Variants in SRGAP2B observed in about 807,000 individuals in gnomAD.
SRGAP2B encodes the protein SLIT-ROBO Rho GTPase activating protein 2B.
In SRGAP2B, 9 loss-of-function variants were observed where a neutral mutation model predicts 22.2. That is an observed-to-expected ratio of 0.41 (90% confidence interval 0.24 to 0.71). The LOEUF (loss-of-function observed/expected upper bound fraction) is 0.71, where lower values mean the gene tolerates loss of function less well. Among genes scored for constraint, SRGAP2B ranks in the 30% least tolerant of loss-of-function variants. The probability of loss-of-function intolerance (pLI) is 0.35; values close to 1 mark genes in which losing one functional copy is unlikely to be tolerated. For missense variants in SRGAP2B, 114 were observed against 235.8 expected (o/e 0.48, Z 3.38); for synonymous variants, 36 against 87.4 (o/e 0.41, Z 3.28).
Position 144,992,135 on chromosome 1 carries a change from A to G in SRGAP2B, c.260+2873T>C, listed in dbSNP as rs1324990428. 3.7e-3 allele frequency among the ~76,000 whole-genome samples: 555 copies of G among 150,044 alleles called. 7 individuals carry two copies. The highest frequency in any genetic ancestry group is 6.1e-3 in the Non-Finnish European group (413 of 67,834). ...GACGCGCTGCCTTAAGAGCTGTAACACTCACCGTGAAGGTCTGCAGCTTCA... is the reference window on the plus strand; with the variant it reads ...GACGCGCTGCCTTAAGAGCTGTAACGCTCACCGTGAAGGTCTGCAGCTTCA... On this transcript the variant is annotated intron_variant, in intron 3 of 9. Transcript: ENST00000612199.
intron 3 of SRGAP2B, among the ~76,000 whole-genome samples, chr1:144,964,757 T>A (rs1553611850): frequency 6.6e-6 from 1 of 150,536 alleles, no homozygotes; most frequent in Non-Finnish European, 1.5e-5. Flanking sequence ...TCACCTGTTT[T>A]AAAAAGTAAA....
At chr1:144,976,510 A>G (rs1668917338) in intron 3 of SRGAP2B, among the ~76,000 whole-genome samples, 1 of 141,720 alleles carries the variant, frequency 7.1e-6, no homozygotes, top group Non-Finnish European at 1.5e-5. Flanking sequence ...TCAGTTACAA[A>G]GAGCATATTT....
chr1:144,898,676 C>T lies in SRGAP2B; in HGVS notation c.832-1339G>A, dbSNP rs1314841555. Among the ~76,000 whole-genome samples the T allele has an allele frequency of 5.3e-5, 8 of 150,036 alleles. No homozygotes were observed. In the East Asian group the frequency reaches 9.7e-4, roughly 18 times the overall value. On this transcript the variant is annotated intron_variant, in intron 7 of 9. Transcript: ENST00000612199. ...CAGCCTTTTCCTCTCATCATGATCACACTGGAAGCAGCTACTATTGGGGAA... is the reference window on the plus strand; with the variant it reads ...CAGCCTTTTCCTCTCATCATGATCATACTGGAAGCAGCTACTATTGGGGAA...
intron 2 of SRGAP2B, among the ~76,000 whole-genome samples, chr1:144,999,067 G>A (rs587720874): frequency 1.3e-5 from 2 of 150,554 alleles, no homozygotes; most frequent in African/African-American, 2.5e-5. Flanking sequence ...GTGCTTAGGC[G>A]ATCATGCATG....
chr1:145,013,779 T>C (rs1571009797), intron 2 of SRGAP2B, among the ~76,000 whole-genome samples: 3 of 150,494 alleles, frequency 2.0e-5, no homozygotes, highest in African/African-American at 7.5e-5. Context: ...AACAACCTTA[T>C]TGTCTTCCCA....
In SRGAP2B at chr1:144,998,448, T is replaced by C. The variant is rs1374373385; in HGVS notation, c.68-3248A>G. Among the ~76,000 whole-genome samples, 13 of 133,902 alleles carry C rather than the reference T, an allele frequency of 9.7e-5. No individual in the cohort carries two copies. In the Admixed American group the frequency reaches 1.0e-3, roughly 10 times the overall value. The allele number at this position is 133,902 out of a possible 152,430, so 87.8% of individuals were successfully genotyped here. ...AGTAAGAAAGCAATATCCCCACCCCTGATCCAGGAAAAAAAAGAGGCTCTG... is the reference window on the plus strand; with the variant it reads ...AGTAAGAAAGCAATATCCCCACCCCCGATCCAGGAAAAAAAAGAGGCTCTG... On this transcript the variant is annotated intron_variant, in intron 2 of 9. Transcript: ENST00000612199.
chr1:145,006,262 T>A (rs1338174695), intron 2 of SRGAP2B, among the ~76,000 whole-genome samples: 1 of 150,780 alleles, frequency 6.6e-6, no homozygotes, highest in Non-Finnish European at 1.5e-5. Context: ...GAATGAAATA[T>A]TTTCCCTCCT....
intron 2 of SRGAP2B, among the ~76,000 whole-genome samples, chr1:145,007,205 C>G (rs1671662590): frequency 6.7e-6 from 1 of 150,248 alleles, no homozygotes; most frequent in South Asian, 2.1e-4. Context: ...CTCACTCAGA[C>G]AGTAACAGAT....
At chr1:144,969,850 C>T (rs1270389433) in intron 3 of SRGAP2B, among the ~76,000 whole-genome samples, 75 of 150,768 alleles carry the variant, frequency 5.0e-4, no homozygotes, top group South Asian at 1.9e-3. Flanking sequence ...TGAACAGACA[C>T]TTCTCAAAAG....
At chr1:144,912,195 G>T (rs1193475532) in intron 5 of SRGAP2B, among the ~76,000 whole-genome samples, 1 of 145,872 alleles carries the variant, frequency 6.9e-6, no homozygotes, top group Non-Finnish European at 1.5e-5. Context: ...CTCGTGATCT[G>T]CCTGCCTCAG....
chr1:144,888,890 G>A lies in SRGAP2B; in HGVS notation c.*3270C>T, dbSNP rs1370421269. The A allele has an allele frequency of 6.2e-5, 8 of 129,768 alleles. No individual in the cohort carries two copies. The East Asian group carries it at 6.6e-4, about 11-fold the overall frequency. 8.0% of individuals were successfully genotyped at this position (129,768 alleles called of 1,614,324 possible). A position where few individuals can be genotyped will look rare whatever the true frequency, so the allele number is the denominator to read the frequency against. ...CGACCTCAGGTGATCCGCCCGCCTCGGCCTCCCAAAGTGCTGGGATTACAG... is the reference window on the plus strand; with the variant it reads ...CGACCTCAGGTGATCCGCCCGCCTCAGCCTCCCAAAGTGCTGGGATTACAG... On this transcript the variant is annotated 3_prime_UTR_variant, in exon 10 of 10. Transcript: ENST00000612199.
Position 144,945,590 on chromosome 1 carries a change from A to AAAAC in SRGAP2B, c.423+9845_423+9848dup, listed in dbSNP as rs55768890. On this transcript the variant is annotated intron_variant, in intron 4 of 9. Coordinates refer to ENST00000612199, the Ensembl canonical transcript of SRGAP2B. ...TGGGGGACAGAGACTCCATCTCTTTAAAACAAACAAACAAACAAACAAACA... is the reference window on the plus strand; with the variant it reads ...TGGGGGACAGAGACTCCATCTCTTTAAAACAAACAAACAAACAAACAAACAAACA... Among the ~76,000 whole-genome samples the AAAAC allele has an allele frequency of 4.3e-3, 650 of 150,306 alleles. 10 individuals are homozygous for AAAAC. The highest frequency in any genetic ancestry group is 0.022 in the South Asian group (108 of 4,808).
chr1:145,041,144 T>C (rs1649210294), intron 2 of SRGAP2B, among the ~76,000 whole-genome samples: 1 of 109,734 alleles, frequency 9.1e-6, no homozygotes, highest in African/African-American at 3.8e-5. Flanking sequence ...CTACCACTAT[T>C]AGAATGTAAG....
At chr1:145,080,818 G>A (rs1161936314) in intron 2 of SRGAP2B, among the ~76,000 whole-genome samples, 1 of 149,482 alleles carries the variant, frequency 6.7e-6, no homozygotes, top group Non-Finnish European at 1.5e-5. Context: ...GCCTCCCAAA[G>A]TGCTGGGATT....
chr1:144,948,253 A>G (rs1392835501), intron 4 of SRGAP2B, among the ~76,000 whole-genome samples: 1 of 150,000 alleles, frequency 6.7e-6, no homozygotes, highest in African/African-American at 2.5e-5. Context: ...AGAATCATAC[A>G]GAATGTACTC....
At chr1:144,973,248 G>A (rs1739160) in intron 3 of SRGAP2B, among the ~76,000 whole-genome samples, 2,078 of 140,502 alleles carry the variant, frequency 0.015, 64 homozygotes, top group African/African-American at 0.06. Flanking sequence ...TATAAAATAT[G>A]GAGATTCATG....
chr1:145,022,578 CCAGT>C (rs1251291895), intron 2 of SRGAP2B, among the ~76,000 whole-genome samples: 1 of 147,958 alleles, frequency 6.8e-6, no homozygotes, highest in Non-Finnish European at 1.5e-5. Flanking sequence ...TCTGAGTATA[CCAGT>C]CAGAGATCAT....
chr1:144,951,180 T>G (rs1434486031), intron 4 of SRGAP2B, among the ~76,000 whole-genome samples: 1 of 147,994 alleles, frequency 6.8e-6, no homozygotes, highest in Non-Finnish European at 1.5e-5. Flanking sequence ...TGTTTTTTGT[T>G]TTTTTTTTTT....
At chr1:144,973,192 T>C (rs4844453) in intron 3 of SRGAP2B, among the ~76,000 whole-genome samples, 1 of 149,576 alleles carries the variant, frequency 6.7e-6, no homozygotes, top group Non-Finnish European at 1.5e-5. Context: ...TGTGAAAGTA[T>C]TGTTCTCAGC....
Sources: allele counts gnomAD v4.1 joint callset (sites outside exome capture counted in the v4.1 genomes callset), GRCh38; gene constraint gnomAD v4.1.1; transcripts MANE v1.5; gene names NCBI Gene and HGNC (gene_info 2026-07-23, HGNC 2026-07-21).